Variants in OR51B5 observed in about 807,000 individuals in gnomAD.
The protein encoded by OR51B5 is olfactory receptor family 51 subfamily B member 5.
For synonymous variants in OR51B5, 186 were observed against 144.8 expected, an observed-to-expected ratio of 1.28 and a Z score of -2.04; for missense variants, 456 against 374.6, an observed-to-expected ratio of 1.22 and a Z score of -1.79.
At chr11:5,415,809 A>T (rs1281735289) in intron 1 of OR51B5, among the ~76,000 whole-genome samples, 1 of 152,188 alleles carries the variant, frequency 6.6e-6, no homozygotes, top group Non-Finnish European at 1.5e-5. Flanking sequence ...AAAAGAGTCC[A>T]GAACCAGATG....
chr11:5,378,297 T>A (rs1037758916), intron 1 of OR51B5, among the ~76,000 whole-genome samples: 1 of 152,032 alleles, frequency 6.6e-6, no homozygotes, highest in Non-Finnish European at 1.5e-5. Context: ...TTACACCTTA[T>A]ACAAAAATTA....
chr11:5,442,534 G>C (rs1033852620), intron 1 of OR51B5, among the ~76,000 whole-genome samples: 1 of 152,010 alleles, frequency 6.6e-6, no homozygotes, highest in African/African-American at 2.4e-5. Context: ...CCATCATAAA[G>C]ATGCGATAAC....
intron 1 of OR51B5, among the ~76,000 whole-genome samples, chr11:5,479,663 G>A (rs1003435395): frequency 6.6e-6 from 1 of 151,766 alleles, no homozygotes; most frequent in African/African-American, 2.4e-5. Flanking sequence ...AAGGATGGAG[G>A]AAGATCTACC....
At chr11:5,499,009 G>A (rs773054834) in intron 1 of OR51B5, among the ~76,000 whole-genome samples, 1 of 152,284 alleles carries the variant, frequency 6.6e-6, no homozygotes, top group East Asian at 1.9e-4. Flanking sequence ...CTATTATTCC[G>A]ACATGGGACA....
chr11:5,489,228 C>A (rs536634174), intron 1 of OR51B5: 2 of 1,614,034 alleles, frequency 1.2e-6, no homozygotes, highest in Non-Finnish European at 1.7e-6. Context: ...ACTGTGGTCA[C>A]CGTGTCATGA....
chr11:5,415,482 C>T (rs535752410), intron 1 of OR51B5, among the ~76,000 whole-genome samples: 121 of 151,664 alleles, frequency 8.0e-4, no homozygotes, highest in African/African-American at 1.8e-3. Context: ...TTAATGAATC[C>T]AGGAGCTGGT....
chr11:5,464,361 A>C (rs1451243725), intron 1 of OR51B5, among the ~76,000 whole-genome samples: 2 of 152,126 alleles, frequency 1.3e-5, no homozygotes, highest in Non-Finnish European at 1.5e-5. Flanking sequence ...ATATGTATAC[A>C]TGTGCCATGC....
chr11:5,488,891 T>C lies in OR51B5; in HGVS notation n.84+16678A>G, dbSNP rs533075391. Reference sequence around the variant, plus strand: ...ATGGACAATGCTCTTCATGCACCTATGTACCTCTTCCTCTGCCTTCTCTCA... The same window carrying C: ...ATGGACAATGCTCTTCATGCACCTACGTACCTCTTCCTCTGCCTTCTCTCA... On this transcript the variant is annotated intron_variant and non_coding_transcript_variant, in intron 1 of 4. Transcript: ENST00000415970. 1.9e-5 allele frequency: 31 copies of C among 1,614,118 alleles called. No individual in the cohort carries two copies. In the East Asian group the frequency reaches 3.1e-4, roughly 16 times the overall value.
At chr11:5,493,307 C>A (rs920249105) in intron 1 of OR51B5, among the ~76,000 whole-genome samples, 2 of 152,170 alleles carry the variant, frequency 1.3e-5, no homozygotes, top group African/African-American at 4.8e-5. Context: ...AAAGAGACAT[C>A]ATCATGTTCC....
At chr11:5,343,337 A>G (rs1848935043) in exon 1 of OR51B5, 3 of 1,611,944 alleles carry the variant, frequency 1.9e-6, no homozygotes, top group Non-Finnish European at 2.5e-6. Flanking sequence ...GGCAGCCAGC[A>G]TGGCCAGAAA....
At chr11:5,402,955 G>C (rs1261370887) in intron 1 of OR51B5, 3 of 471,180 alleles carry the variant, frequency 6.4e-6, no homozygotes, top group African/African-American at 4.0e-5. Context: ...TGTGCTGCTG[G>C]CCATGTCTTT....
rs374920142 is a variant in OR51B5, at chr11:5,363,481, C to G, written n.85-16571G>C. ...CACTCTCTCTCTCACACAAAAGCGC[C>G]ACACACACAATCATAAACACACATC... On this transcript the variant is annotated intron_variant and non_coding_transcript_variant, in intron 1 of 4. Coordinates refer to the OR51B5 transcript ENST00000415970. Among the ~76,000 whole-genome samples, 5 of 151,898 alleles carry G rather than the reference C, an allele frequency of 3.3e-5. No individual in the cohort carries two copies. In the South Asian group the frequency reaches 1.0e-3, roughly 32 times the overall value.
At chr11:5,365,258 G>A (rs1441943749) in intron 1 of OR51B5, among the ~76,000 whole-genome samples, 1 of 152,154 alleles carries the variant, frequency 6.6e-6, no homozygotes, top group African/African-American at 2.4e-5. Flanking sequence ...GAACCAGAAG[G>A]GCTGGTGGTG....
intron 1 of OR51B5, among the ~76,000 whole-genome samples, chr11:5,370,391 G>A (rs1487416474): frequency 6.6e-6 from 1 of 152,176 alleles, no homozygotes; most frequent in African/African-American, 2.4e-5. Context: ...TAGCTGGGTT[G>A]TCAGGTCAGA....
At chr11:5,471,528 C>T (rs414609) in intron 1 of OR51B5, among the ~76,000 whole-genome samples, 1,561 of 151,716 alleles carry the variant, frequency 0.01, 27 homozygotes, top group African/African-American at 0.036. Context: ...CCCAGTTACT[C>T]GGGAGTCTGA....
chr11:5,398,240 G>C (rs1849911347), intron 1 of OR51B5, among the ~76,000 whole-genome samples: 1 of 152,076 alleles, frequency 6.6e-6, no homozygotes. Context: ...ACATATATTA[G>C]TTATTTAAAT....
intron 1 of OR51B5, among the ~76,000 whole-genome samples, chr11:5,436,619 T>G (rs1403372590): frequency 6.6e-6 from 1 of 152,206 alleles, no homozygotes; most frequent in South Asian, 2.1e-4. Context: ...GGTATTTGAA[T>G]GAATATTGTT....
chr11:5,441,437 G>A lies in OR51B5; in HGVS notation n.84+64132C>T, dbSNP rs144932058. 31 of 1,613,790 alleles carry A rather than the reference G, an allele frequency of 1.9e-5. No individual in the cohort carries two copies. The African/African-American group carries it at 3.3e-4, about 17-fold the overall frequency. The stretch of plus-strand genomic sequence containing the variant: ...TGCAGAAAATCAGGGCAACCCAGGT[G>A]AGGCCTGTTTGTATCCCAGGAATGC... On this transcript the variant is annotated intron_variant and non_coding_transcript_variant, in intron 1 of 4. Transcript: ENST00000415970.
At chr11:5,486,681 G>C (rs1241176460) in intron 1 of OR51B5, among the ~76,000 whole-genome samples, 2 of 152,146 alleles carry the variant, frequency 1.3e-5, no homozygotes, top group African/African-American at 4.8e-5. Context: ...CAAAGCAGAG[G>C]GTAGGAAGGC....
Sources: allele counts gnomAD v4.1 joint callset (sites outside exome capture counted in the v4.1 genomes callset), GRCh38; gene constraint gnomAD v4.1.1; transcripts MANE v1.5; gene names NCBI Gene and HGNC (gene_info 2026-07-23, HGNC 2026-07-21).